GIGYF2: variants seen among roughly 807,000 people sequenced by gnomAD.
GIGYF2 encodes GRB10 interacting GYF protein 2, also known as GRB10-interacting GYF protein 2.
In GIGYF2, 25 loss-of-function variants were observed where a neutral mutation model predicts 208.1. The observed-to-expected ratio is 0.12, with a 90% CI of 0.09 to 0.17. The LOEUF (loss-of-function observed/expected upper bound fraction) is 0.17, where lower values mean the gene tolerates loss of function less well. Ranked by LOEUF, GIGYF2 falls within the 10% of genes least tolerant of loss-of-function variation. The probability of loss-of-function intolerance (pLI) is 1.00; values close to 1 mark genes in which losing one functional copy is unlikely to be tolerated. For missense variants in GIGYF2, 1,302 were observed against 1,579.4 expected (o/e 0.82, Z 2.98); for synonymous variants, 534 against 543.8 (o/e 0.98, Z 0.25).
At chr2:232,730,054 A>C (rs558477744) in intron 2 of GIGYF2, 3 of 941,306 alleles carry the variant, frequency 3.2e-6, no homozygotes, top group Non-Finnish European at 5.2e-6. Context: ...GCATAACACA[A>C]GTCAGCAGGC....
chr2:232,733,466 A>G (rs895095218), intron 2 of GIGYF2, among the ~76,000 whole-genome samples: 1 of 152,130 alleles, frequency 6.6e-6, no homozygotes, highest in Admixed American at 6.6e-5. Flanking sequence ...GAAGGTTAAC[A>G]CACTTTTACT....
At chr2:232,759,836 A>G (rs1698677681) in intron 6 of GIGYF2, among the ~76,000 whole-genome samples, 1 of 152,160 alleles carries the variant, frequency 6.6e-6, no homozygotes, top group East Asian at 1.9e-4. Flanking sequence ...ACCACCAGAG[A>G]GAGCCTCTCA....
intron 2 of GIGYF2, chr2:232,729,799 G>C (rs975180189): frequency 1.1e-5 from 8 of 748,434 alleles, no homozygotes; most frequent in Admixed American, 1.7e-5. Flanking sequence ...AACGAGTGCA[G>C]GTTTTTTGGC....
At chr2:232,736,416 T>C (rs1166964344) in intron 3 of GIGYF2, 8 of 162,122 alleles carry the variant, frequency 4.9e-5, no homozygotes, top group Non-Finnish European at 1.0e-4. Flanking sequence ...TATGCTTATT[T>C]GTGTATATAT....
intron 2 of GIGYF2, among the ~76,000 whole-genome samples, chr2:232,726,577 A>G (rs898041238): frequency 2.0e-5 from 3 of 152,114 alleles, no homozygotes; most frequent in African/African-American, 4.8e-5. Context: ...TGTCTCAAAA[A>G]TATAAAAGTT....
At position 232,768,267 on chromosome 2, in the gene GIGYF2, C is replaced by T. The variant is rs777663064; in HGVS notation, c.532+6831C>T. The stretch of plus-strand genomic sequence containing the variant: ...ATTGATGTGGATATCCAGGTCAGTC[C>T]TGTTTGGGCTTTTAGAAACCAGAGG... On this transcript the variant is annotated intron_variant, in intron 8 of 28. Transcript: ENST00000373563. 3 of 1,614,082 alleles carry T rather than the reference C, an allele frequency of 1.9e-6. No individual in the cohort carries two copies. In the South Asian group the frequency reaches 3.3e-5, roughly 18 times the overall value.
chr2:232,835,734 A>AG (rs1701566793), intron 22 of GIGYF2, among the ~76,000 whole-genome samples: 1 of 152,126 alleles, frequency 6.6e-6, no homozygotes, highest in Admixed American at 6.5e-5. Flanking sequence ...TTGGGGATAT[A>AG]GCACTGGGTG....
chr2:232,857,423 C>T lies in GIGYF2; in HGVS notation c.*563C>T, dbSNP rs910656391. ...ATTGCCACTGCTAACTTTGGGATTG[C>T]ATCAGAGAGGCCCTGAGTGGGGTTG... On this transcript the variant is annotated 3_prime_UTR_variant, in exon 29 of 29. Transcript: ENST00000373563. 1.7e-5 allele frequency: 3 copies of T among 172,574 alleles called. No homozygotes were observed. Among genetic ancestry groups the T allele is most frequent in the Admixed American group, 1.7e-4 (3 of 18,090 alleles). The allele number at this position is 172,574 out of a possible 1,614,324, so 10.7% of individuals were successfully genotyped here.
chr2:232,854,065 T>G (rs1379724041), intron 28 of GIGYF2, among the ~76,000 whole-genome samples: 1 of 152,236 alleles, frequency 6.6e-6, no homozygotes, highest in Admixed American at 6.5e-5. Flanking sequence ...CATTATTGCC[T>G]TTTATCACAT....
At chr2:232,723,061 A>G (rs938720184) in intron 2 of GIGYF2, among the ~76,000 whole-genome samples, 2 of 152,142 alleles carry the variant, frequency 1.3e-5, no homozygotes, top group African/African-American at 2.4e-5. Flanking sequence ...GGCTCAAGCA[A>G]TCTGCCTACC....
chr2:232,749,120 C>G (rs368053818), intron 5 of GIGYF2, 38 bp downstream of exon 5: 7 of 981,298 alleles, frequency 7.1e-6, no homozygotes, highest in Admixed American at 1.7e-5. Flanking sequence ...AACTCTTATT[C>G]TTTTCCTGCT....
At chr2:232,810,485 C>T (rs2106384077) in intron 16 of GIGYF2, 1 of 153,218 alleles carries the variant, frequency 6.5e-6, no homozygotes, top group South Asian at 2.1e-4. Flanking sequence ...ATGGCAAAGT[C>T]AGTCAGGTTT....
At chr2:232,787,384 T>C in intron 9 of GIGYF2, 55 bp downstream of exon 9, 1 of 1,430,358 alleles carries the variant, frequency 7.0e-7, no homozygotes, top group Non-Finnish European at 9.8e-7. Context: ...GAAAGTTTGA[T>C]GGAAATAGGG....
chr2:232,791,189 C>G lies in GIGYF2; in HGVS notation c.1093+19C>G, dbSNP rs1472849475. 1.2e-6 allele frequency: 2 copies of G among 1,613,858 alleles called. No homozygotes were observed. Among genetic ancestry groups the G allele is most frequent in the Admixed American group, 3.3e-5 (2 of 60,006 alleles). On this transcript the variant is annotated intron_variant, in intron 11 of 28. Transcript: ENST00000373563. ...GGAGTTGGTAAGGCCTCTTCTTGCCCTTTGCCTTTTTTTTCCTCCATCAAA... is the reference window on the plus strand; with the variant it reads ...GGAGTTGGTAAGGCCTCTTCTTGCCGTTTGCCTTTTTTTTCCTCCATCAAA...
chr2:232,784,029 T>C (rs1395672109), intron 8 of GIGYF2, among the ~76,000 whole-genome samples: 1 of 152,142 alleles, frequency 6.6e-6, no homozygotes, highest in East Asian at 1.9e-4. Context: ...AAAATTTACT[T>C]ACGTACCAGT....
Position 232,845,844 on chromosome 2 carries a change from G to A in GIGYF2, c.3418G>A (p.Glu1140Lys). ...CCAAGATGGATTTACGCAGTGGTGT[G>A]AACAGATGCTTCATGCCCTTAATAC... ...KAQDGFTQWC[E>K]QMLHALNTAN... Residue 1140 changes from glutamate (E) to lysine (K), a missense_variant, in exon 26 of 29, where the codon GAA (glutamate) becomes AAA (lysine). Around this residue, in one of 8 missense-constraint regions of GIGYF2, gnomAD observed 701 missense variants for 793.0 expected, o/e 0.88. Coordinates refer to ENST00000373563, the MANE Select transcript of GIGYF2 (RefSeq NM_001103146.3). The A allele has an allele frequency of 6.2e-7, 1 of 1,613,404 alleles. No individual in the cohort carries two copies. Among genetic ancestry groups the A allele is most frequent in the Non-Finnish European group, 8.5e-7 (1 of 1,179,342 alleles).
chr2:232,859,756 C>G lies in GIGYF2; in HGVS notation c.*2896C>G, dbSNP rs929068607. The G allele has an allele frequency of 1.3e-5, 2 of 152,240 alleles. No homozygotes were observed. Among genetic ancestry groups the G allele is most frequent in the African/African-American group, 4.8e-5 (2 of 41,446 alleles). The allele number at this position is 152,240 out of a possible 1,614,324, so 9.4% of individuals were successfully genotyped here. On this transcript the variant is annotated 3_prime_UTR_variant, in exon 29 of 29. Coordinates refer to ENST00000373563, the MANE Select transcript of GIGYF2 (RefSeq NM_001103146.3). ...AATGACAGTTGACGTTGGCTGTAGG[C>G]TGGGAACTCAGCTGGGTTGATGACT...
In GIGYF2 at chr2:232,832,849, C is replaced by T; in HGVS notation, c.2530-8C>T. ...ATTTTTATATCTTTAATTTTTCCTT[C>T]TGGAAAGGAAGAGGAGGCTGCAAAA... On this transcript the variant is annotated splice_polypyrimidine_tract_variant and splice_region_variant and intron_variant, in intron 21 of 28. Transcript: ENST00000373563. 6.5e-7 allele frequency: 1 copy of T among 1,540,236 alleles called. No individual in the cohort carries two copies. The highest frequency in any genetic ancestry group is 8.8e-7 in the Non-Finnish European group (1 of 1,138,510).
At chr2:232,749,327 C>T (rs2106313753) in intron 5 of GIGYF2, among the ~76,000 whole-genome samples, 1 of 152,206 alleles carries the variant, frequency 6.6e-6, no homozygotes, top group East Asian at 1.9e-4. Flanking sequence ...TTAAAACTTA[C>T]TCAAGTAGAG....
Sources: allele counts gnomAD v4.1 joint callset (sites outside exome capture counted in the v4.1 genomes callset), GRCh38; gene constraint gnomAD v4.1.1; regional missense constraint gnomAD v4.1.1; transcripts MANE v1.5; gene names NCBI Gene and HGNC (gene_info 2026-07-23, HGNC 2026-07-21).